The following LINC00305 variants were observed in gnomAD, a reference collection of about 807,000 sequenced individuals.
LINC00305 encodes the protein long independently transcribed non-coding RNA 305.
At chr18:64,102,798 A>T (rs973811288) in intron 1 of LINC00305, among the ~76,000 whole-genome samples, 2 of 152,138 alleles carry the variant, frequency 1.3e-5, no homozygotes, top group African/African-American at 4.8e-5. Flanking sequence ...ACATATTTTA[A>T]CTACCAGATC....
intron 1 of LINC00305, among the ~76,000 whole-genome samples, chr18:64,134,603 G>A (rs1160862946): frequency 6.6e-6 from 1 of 152,140 alleles, no homozygotes; most frequent in Non-Finnish European, 1.5e-5. Flanking sequence ...GGTTTTAAAT[G>A]AGAATGTTTA....
chr18:64,080,584 A>G (rs912225612), intron 3 of LINC00305, among the ~76,000 whole-genome samples: 3 of 152,222 alleles, frequency 2.0e-5, no homozygotes, highest in African/African-American at 4.8e-5. Context: ...TATCTATACC[A>G]GGATTTTATC....
intron 1 of LINC00305, among the ~76,000 whole-genome samples, chr18:64,126,587 T>C (rs541418859): frequency 8.9e-4 from 136 of 152,242 alleles, no homozygotes; most frequent in Non-Finnish European, 1.8e-3. Flanking sequence ...AATTTATTCA[T>C]TCATCTCCTT....
chr18:64,111,544 AATC>A (rs1157881609), intron 1 of LINC00305, among the ~76,000 whole-genome samples: 6 of 152,244 alleles, frequency 3.9e-5, no homozygotes, highest in Non-Finnish European at 8.8e-5. Context: ...GAAAATACAT[AATC>A]ATAATATTTT....
chr18:64,122,630 C>T (rs1437634985), intron 1 of LINC00305, among the ~76,000 whole-genome samples: 1 of 151,938 alleles, frequency 6.6e-6, no homozygotes, highest in Non-Finnish European at 1.5e-5. Flanking sequence ...ATGTCTTCAG[C>T]TTTGTTCTTT....
At chr18:64,145,781 G>A (rs1190026471) in intron 1 of LINC00305, among the ~76,000 whole-genome samples, 1 of 152,146 alleles carries the variant, frequency 6.6e-6, no homozygotes, top group Non-Finnish European at 1.5e-5. Context: ...TACAGCATTG[G>A]AAGAAAATTA....
At chr18:64,106,674 C>T (rs76438291) in intron 1 of LINC00305, among the ~76,000 whole-genome samples, 250 of 152,254 alleles carry the variant, frequency 1.6e-3, no homozygotes, top group Admixed American at 3.3e-3. Context: ...TGGCATCCCA[C>T]GTGTGTGTCT....
Position 64,086,317 on chromosome 18 carries a change from T to A in LINC00305, n.541-5915A>T, listed in dbSNP as rs17072540. ...ACAGATTTATGTTAAGTTGGTAAGA[T>A]AAATGGATATTCTAGATCAAAATAT... is the stretch of plus-strand genomic sequence containing the variant. On this transcript the variant is annotated intron_variant and non_coding_transcript_variant, in intron 3 of 3. Coordinates refer to ENST00000666468, the Ensembl canonical transcript of LINC00305. Among the ~76,000 whole-genome samples the A allele has an allele frequency of 9.3e-3, 1,411 of 152,332 alleles. 23 individuals carry two copies. Among genetic ancestry groups the A allele is most frequent in the African/African-American group, 0.032 (1,331 of 41,564 alleles).
In LINC00305 at chr18:64,099,396, A is replaced by G. The variant is rs533846151; in HGVS notation, n.315-756T>C. ...AAACTCATAGCCTCATAGGGGAATCAGAGAGGTCAGCAGATGTTTAAAACC... is the reference window on the plus strand; with the variant it reads ...AAACTCATAGCCTCATAGGGGAATCGGAGAGGTCAGCAGATGTTTAAAACC... On this transcript the variant is annotated intron_variant and non_coding_transcript_variant, in intron 1 of 3. Coordinates refer to ENST00000666468, the Ensembl canonical transcript of LINC00305. Among the ~76,000 whole-genome samples, 4 of 152,260 alleles carry G rather than the reference A, an allele frequency of 2.6e-5. No homozygotes were observed. The South Asian group carries it at 8.3e-4, about 32-fold the overall frequency.
chr18:64,100,374 C>T (rs17072566), intron 1 of LINC00305, among the ~76,000 whole-genome samples: 41,729 of 152,034 alleles, frequency 0.27, 6,075 homozygotes, highest in African/African-American at 0.34. Context: ...GAAGAAAGAA[C>T]GTCACAGGAG....
At chr18:64,081,784 G>A (rs1455143428) in intron 3 of LINC00305, among the ~76,000 whole-genome samples, 1 of 152,070 alleles carries the variant, frequency 6.6e-6, no homozygotes, top group African/African-American at 2.4e-5. Flanking sequence ...AAAACATCTG[G>A]GGCGACAGCT....
At chr18:64,105,918 A>C (rs1018014372) in intron 1 of LINC00305, among the ~76,000 whole-genome samples, 9 of 152,260 alleles carry the variant, frequency 5.9e-5, no homozygotes, top group Non-Finnish European at 1.0e-4. Context: ...ATGGAGAGAT[A>C]TAATTAGAAA....
At chr18:64,145,852 C>A (rs1055130043) in intron 1 of LINC00305, among the ~76,000 whole-genome samples, 10 of 152,078 alleles carry the variant, frequency 6.6e-5, no homozygotes, top group Admixed American at 3.9e-4. Context: ...TAATGATATA[C>A]CCTCAAAGTT....
At chr18:64,143,646 CATATGTAT>C (rs2051479584) in intron 1 of LINC00305, among the ~76,000 whole-genome samples, 9 of 138,002 alleles carry the variant, frequency 6.5e-5, no homozygotes, top group Admixed American at 4.2e-4. Flanking sequence ...ATTATGTATA[CATATGTAT>C]GTACACGTAT....
rs532105249 is a variant in LINC00305 at position 64,112,796 on chromosome 18, G to A, written n.315-14156C>T. 5.3e-5 allele frequency among the ~76,000 whole-genome samples: 8 copies of A among 152,138 alleles called. 1 individual carries two copies. The highest frequency in any genetic ancestry group is 1.9e-4 in the African/African-American group (8 of 41,504). ...TTTACTTCATAATCAATGACTTTTG[G>A]TTTTTCATTTGGGCACATTATTCCC... is the stretch of plus-strand genomic sequence containing the variant. On this transcript the variant is annotated intron_variant and non_coding_transcript_variant, in intron 1 of 3. Coordinates refer to ENST00000666468, the Ensembl canonical transcript of LINC00305.
intron 1 of LINC00305, among the ~76,000 whole-genome samples, chr18:64,112,687 A>G (rs1376340127): frequency 6.6e-6 from 1 of 152,136 alleles, no homozygotes; most frequent in Non-Finnish European, 1.5e-5. Context: ...TATTTATTAC[A>G]AATCTTGCCT....
At chr18:64,097,622 G>T (rs561323149) in intron 3 of LINC00305, among the ~76,000 whole-genome samples, 118 of 151,704 alleles carry the variant, frequency 7.8e-4, no homozygotes, top group Non-Finnish European at 1.5e-3. Context: ...AAAATATAAA[G>T]AACATTCTTA....
chr18:64,110,047 C>T (rs1015402328), intron 1 of LINC00305, among the ~76,000 whole-genome samples: 7 of 152,114 alleles, frequency 4.6e-5, no homozygotes, highest in African/African-American at 1.7e-4. Context: ...CTTCTTCTTC[C>T]AATATGGCCC....
chr18:64,123,090 GT>G (rs2051369253), intron 1 of LINC00305, among the ~76,000 whole-genome samples: 1 of 152,010 alleles, frequency 6.6e-6, no homozygotes, highest in Non-Finnish European at 1.5e-5. Flanking sequence ...GGAGTCTTTA[GT>G]TTTTCTAGAT....
Sources: gnomAD v4.1 joint callset for allele counts (sites outside exome capture counted in the v4.1 genomes callset) on GRCh38, gnomAD v4.1.1 for gene constraint, MANE v1.5 for transcripts, NCBI Gene and HGNC (gene_info 2026-07-23, HGNC 2026-07-21) for gene names.